SLC14A2: variants seen among roughly 807,000 people sequenced by gnomAD.
The protein encoded by SLC14A2 is solute carrier family 14 member 2.
Under a neutral mutation model 104.6 loss-of-function variants are expected in SLC14A2, and 91 were observed. The observed-to-expected ratio is 0.87, with a 90% CI of 0.73 to 1.04. The LOEUF is 1.04. Among genes scored for constraint, SLC14A2 ranks in the 50% least tolerant of loss-of-function variants. SLC14A2 has a pLI of 0.00. For missense variants in SLC14A2, 1,189 were observed against 1,156.0 expected, an observed-to-expected ratio of 1.03 and a Z score of -0.41; for synonymous variants, 476 against 466.4, an observed-to-expected ratio of 1.02 and a Z score of -0.27.
chr18:45,594,728 C>A (rs1451234026), intron 2 of SLC14A2, among the ~76,000 whole-genome samples: 1 of 152,146 alleles, frequency 6.6e-6, no homozygotes, highest in Admixed American at 6.5e-5. Flanking sequence ...GAGGCTGAAC[C>A]AGATGTCTTC....
intron 1 of SLC14A2, among the ~76,000 whole-genome samples, chr18:45,313,080 T>C (rs769493176): frequency 1.8e-4 from 27 of 152,190 alleles, no homozygotes; most frequent in Non-Finnish European, 3.7e-4. Flanking sequence ...CTTTATCCTC[T>C]CAAGTTTAAT....
At chr18:45,436,927 C>T (rs1326984417) in intron 1 of SLC14A2, among the ~76,000 whole-genome samples, 2 of 152,100 alleles carry the variant, frequency 1.3e-5, no homozygotes, top group East Asian at 3.9e-4. Flanking sequence ...ATTCAAATGT[C>T]AAAGGAAGAC....
chr18:45,361,728 G>A lies in SLC14A2; in HGVS notation c.-124-121505G>A, dbSNP rs573044295. ...CTCTCCCTCTCGGCCAGGGCTGCTC[G>A]GCTTCTCGGCTTCTCCCTGTTTTAC... On this transcript the variant is annotated intron_variant, in intron 1 of 20. Coordinates refer to the SLC14A2 transcript ENST00000586448. 5.9e-5 allele frequency among the ~76,000 whole-genome samples: 9 copies of A among 152,242 alleles called. No individual in the cohort carries two copies. In the South Asian group the frequency reaches 1.0e-3, roughly 18 times the overall value.
At chr18:45,323,341 C>G (rs1256006142) in intron 1 of SLC14A2, among the ~76,000 whole-genome samples, 1 of 152,170 alleles carries the variant, frequency 6.6e-6, no homozygotes, top group Non-Finnish European at 1.5e-5. Flanking sequence ...AGGCCTCTCC[C>G]AAGGAGCCAC....
intron 1 of SLC14A2, among the ~76,000 whole-genome samples, chr18:45,324,846 T>C (rs1348726467): frequency 6.6e-6 from 1 of 152,042 alleles, no homozygotes; most frequent in Non-Finnish European, 1.5e-5. Flanking sequence ...TCTGTTGCAA[T>C]ATGTTGGAAT....
chr18:45,480,768 G>A (rs2087476876), intron 1 of SLC14A2, among the ~76,000 whole-genome samples: 1 of 152,188 alleles, frequency 6.6e-6, no homozygotes, highest in Non-Finnish European at 1.5e-5. Context: ...CCCAATTAAT[G>A]TCTGGTGCCC....
rs115825910 is a variant in SLC14A2 at position 45,599,199 on chromosome 18, T to A, written c.-34-25432T>A. ...TGCACAGCAGAACTTTCAAAGGAAT[T>A]TCATTTAATTCTATTGCTCACACCC... On this transcript the variant is annotated intron_variant, in intron 2 of 20. Coordinates refer to the SLC14A2 transcript ENST00000586448. 1.0e-3 allele frequency among the ~76,000 whole-genome samples: 158 copies of A among 152,338 alleles called. 3 individuals carry two copies. The highest frequency in any genetic ancestry group is 2.7e-3 in the African/African-American group (114 of 41,576).
At chr18:45,518,305 A>C (rs2043470374) in intron 2 of SLC14A2, among the ~76,000 whole-genome samples, 1 of 152,198 alleles carries the variant, frequency 6.6e-6, no homozygotes, top group Admixed American at 6.5e-5. Context: ...ATGATTTTTG[A>C]ATGACTAATG....
In SLC14A2 at chr18:45,666,175, G is replaced by A; in HGVS notation, c.1513G>A (p.Asp505Asn). Residue 505 changes from aspartate (D) to asparagine (N), a missense_variant, in exon 12 of 20, where the codon GAC becomes AAC. Coordinates refer to ENST00000255226, the MANE Select transcript of SLC14A2 (RefSeq NM_007163.4). ...CGAACACCAGGAAAGACAAAACAAA[G>A]ACCCATTTCCCTATCGATACCGGAA... ...KGEHQERQNKDPFPYRYRKPT... is the reference protein window; with the variant it reads ...KGEHQERQNKNPFPYRYRKPT... 6.2e-7 allele frequency: 1 copy of A among 1,613,948 alleles called. No individual in the cohort carries two copies. The highest frequency in any genetic ancestry group is 8.5e-7 in the Non-Finnish European group (1 of 1,179,856).
intron 1 of SLC14A2, among the ~76,000 whole-genome samples, chr18:45,240,948 G>A (rs1311540930): frequency 6.6e-6 from 1 of 152,108 alleles, no homozygotes; most frequent in African/African-American, 2.4e-5. Context: ...GTGAGCCACC[G>A]CGCCCAGCTT....
rs141812536 is a variant in SLC14A2, at chr18:45,469,340, G to A, written c.-124-13893G>A. Among the ~76,000 whole-genome samples, 513 of 152,308 alleles carry A rather than the reference G, an allele frequency of 3.4e-3. 5 individuals are homozygous for A. Among genetic ancestry groups the A allele is most frequent in the African/African-American group, 0.011 (474 of 41,562 alleles). ...ACCCACTGGAGACCCTGGAACAAAG[G>A]AGCTGATTGACCAAGTGTTACTTAA... On this transcript the variant is annotated intron_variant, in intron 1 of 20. Coordinates refer to the SLC14A2 transcript ENST00000586448.
At chr18:45,618,692 A>G (rs2045114247) in intron 1 of SLC14A2, among the ~76,000 whole-genome samples, 1 of 150,526 alleles carries the variant, frequency 6.6e-6, no homozygotes, top group South Asian at 2.1e-4. Context: ...AAAAAAAAAA[A>G]AAAAAAGAAG....
rs527724394 is a variant in SLC14A2, at chr18:45,659,202, G to A, written c.1352-4583G>A. On this transcript the variant is annotated intron_variant, in intron 10 of 19. Coordinates refer to ENST00000255226, the MANE Select transcript of SLC14A2 (RefSeq NM_007163.4). ...CCACCCCTGACCTCCAAGCAGCCAG[G>A]TGCTGTAGCAGAGTCCCTGGGCTCA... Among the ~76,000 whole-genome samples the A allele has an allele frequency of 2.6e-5, 4 of 152,366 alleles. No homozygotes were observed. In the South Asian group the frequency reaches 6.2e-4, roughly 24 times the overall value.
chr18:45,310,672 C>G (rs2085069471), intron 1 of SLC14A2, among the ~76,000 whole-genome samples: 1 of 152,162 alleles, frequency 6.6e-6, no homozygotes, highest in African/African-American at 2.4e-5. Flanking sequence ...ACAGTTTGGA[C>G]CTGTGCTGCT....
At chr18:45,476,029 T>G (rs937197866) in intron 1 of SLC14A2, among the ~76,000 whole-genome samples, 1 of 152,162 alleles carries the variant, frequency 6.6e-6, no homozygotes, top group Non-Finnish European at 1.5e-5. Flanking sequence ...ATTATCATGA[T>G]AGCTGGTTAT....
intron 2 of SLC14A2, among the ~76,000 whole-genome samples, chr18:45,522,964 G>C (rs1312865789): frequency 2.0e-5 from 3 of 152,164 alleles, no homozygotes; most frequent in African/African-American, 4.8e-5. Flanking sequence ...AGCATGCCAT[G>C]GCTTGGCACG....
At chr18:45,202,646 G>A in the SLC14A2 span, among the ~76,000 whole-genome samples, 1 of 152,148 alleles carries the variant, frequency 6.6e-6, no homozygotes, top group African/African-American at 2.4e-5. Context: ...TACTATAGTG[G>A]TGTAACTGGA....
chr18:45,175,958 C>T, the SLC14A2 span, among the ~76,000 whole-genome samples: 23 of 152,270 alleles, frequency 1.5e-4, no homozygotes, highest in Admixed American at 2.0e-4. Context: ...CTATACCATA[C>T]GACAATTCTC....
intron 1 of SLC14A2, among the ~76,000 whole-genome samples, chr18:45,311,803 T>TGATC (rs2085082047): frequency 6.6e-6 from 1 of 152,198 alleles, no homozygotes; most frequent in Non-Finnish European, 1.5e-5. Flanking sequence ...TTAGGAGGAC[T>TGATC]GATCTGTGTG....
Sources: gnomAD v4.1 joint callset for allele counts (sites outside exome capture counted in the v4.1 genomes callset) on GRCh38, gnomAD v4.1.1 for gene constraint, MANE v1.5 for transcripts, NCBI Gene and HGNC (gene_info 2026-07-23, HGNC 2026-07-21) for gene names.